SBNO1: variants seen among roughly 807,000 people sequenced by gnomAD.
SBNO1 encodes the protein protein strawberry notch homolog 1.
SBNO1 carries 23 observed loss-of-function variants against 173.6 expected under a neutral mutation model. The ratio of observed to expected loss-of-function variants is 0.13; its 90% CI spans 0.10 to 0.19. The LOEUF (loss-of-function observed/expected upper bound fraction) is 0.19, where lower values mean the gene tolerates loss of function less well. Ranked by LOEUF, SBNO1 falls within the 10% of genes least tolerant of loss-of-function variation. SBNO1 has a pLI of 1.00. For missense variants in SBNO1, 1,238 were observed against 1,671.2 expected, an observed-to-expected ratio of 0.74 and a Z score of 4.52; for synonymous variants, 632 against 571.5, an observed-to-expected ratio of 1.11 and a Z score of -1.51.
At position 123,348,074 on chromosome 12, in the gene SBNO1, T is replaced by C. The variant is rs777755274; in HGVS notation, c.192A>G (p.Lys64=). ...GLETEAAVPV[K]QEPETVPTPA... is the part of the protein sequence containing the mutation. ...GAGTAGGTACAGTCTCTGGTTCTTG[T>C]TTAACAGGAACTGCTGCTTCGGTCT... Residue 64 remains lysine (K), a synonymous_variant, in exon 3 of 32, where the codon AAA becomes AAG. Coordinates refer to ENST00000602398, the MANE Select transcript of SBNO1 (RefSeq NM_001167856.3). 1.4e-5 allele frequency: 23 copies of C among 1,612,070 alleles called. No individual in the cohort carries two copies. The highest frequency in any genetic ancestry group is 1.7e-5 in the Admixed American group (1 of 59,968).
In SBNO1 at chr12:123,327,736, G is replaced by C; in HGVS notation, c.1509C>G (p.Phe503Leu). ...IWGEGTPFRE[F>L]SDFIQAVERR... The stretch of plus-strand genomic sequence containing the variant: ...GTTCTACTGCTTGAATAAAATCACT[G>C]AATTCTCTAAATGGAGTACCCTCAC... Residue 503 changes from phenylalanine to leucine, a missense_variant, in exon 12 of 32, where the codon TTC (phenylalanine) becomes TTG (leucine). Coordinates refer to ENST00000602398, the MANE Select transcript of SBNO1 (RefSeq NM_001167856.3). 1 of 1,613,526 alleles carries C rather than the reference G, an allele frequency of 6.2e-7. No individual in the cohort carries two copies. The highest frequency in any genetic ancestry group is 8.5e-7 in the Non-Finnish European group (1 of 1,179,754).
In SBNO1 at chr12:123,328,902, A is replaced by C. The variant is rs1209193261; in HGVS notation, c.1135-7T>G. 6.2e-6 allele frequency: 9 copies of C among 1,460,986 alleles called. No individual in the cohort carries two copies. Among genetic ancestry groups the C allele is most frequent in the Non-Finnish European group, 8.4e-6 (9 of 1,065,818 alleles). 90.5% of individuals were successfully genotyped at this position (1,460,986 alleles called of 1,614,324 possible). ...AAATTTTTCCGTATTTAAACTAAAAAAGAAAAGAAAAGAATTTAGTTAATT... is the reference window on the plus strand; with the variant it reads ...AAATTTTTCCGTATTTAAACTAAAACAGAAAAGAAAAGAATTTAGTTAATT... On this transcript the variant is annotated splice_polypyrimidine_tract_variant and splice_region_variant and intron_variant, in intron 9 of 31. Transcript: ENST00000602398.
chr12:123,327,000 G>GT (rs1870685161), intron 13 of SBNO1, among the ~76,000 whole-genome samples: 1 of 151,948 alleles, frequency 6.6e-6, no homozygotes, highest in Non-Finnish European at 1.5e-5. Flanking sequence ...GTTTGTTTTT[G>GT]TTTTTTGTTT....
At chr12:123,358,539 G>C (rs1874720413) in intron 1 of SBNO1, among the ~76,000 whole-genome samples, 1 of 151,742 alleles carries the variant, frequency 6.6e-6, no homozygotes, top group Admixed American at 6.6e-5. Context: ...GGATCATGAG[G>C]TCAGGAGATA....
At chr12:123,345,642 G>A in intron 3 of SBNO1, 72 bp from the exon 4 acceptor site, 2 of 1,284,106 alleles carry the variant, frequency 1.6e-6, no homozygotes, top group Admixed American at 2.4e-5. Flanking sequence ...CCACAAACCT[G>A]GAAGGACAAC....
chr12:123,364,264 A>G (rs867891835), intron 1 of SBNO1: 19 of 985,456 alleles, frequency 1.9e-5, no homozygotes, highest in Admixed American at 6.1e-5. Context: ...CTGGGGCACG[A>G]AAGAGGACTT....
chr12:123,346,881 T>C (rs1284662628), intron 3 of SBNO1, among the ~76,000 whole-genome samples: 1 of 151,542 alleles, frequency 6.6e-6, no homozygotes. Context: ...AGCTCAAGAC[T>C]AGCATGGCCA....
At chr12:123,344,387 A>G (rs1241510981) in intron 4 of SBNO1, among the ~76,000 whole-genome samples, 1 of 152,198 alleles carries the variant, frequency 6.6e-6, no homozygotes, top group Non-Finnish European at 1.5e-5. Flanking sequence ...CGAAAACCAA[A>G]AGACAAAAAA....
chr12:123,362,143 A>T (rs568847157), intron 1 of SBNO1, among the ~76,000 whole-genome samples: 1 of 139,354 alleles, frequency 7.2e-6, no homozygotes, highest in African/African-American at 2.7e-5. Flanking sequence ...CCACCTCAAA[A>T]AAAAAAGATT....
intron 3 of SBNO1, among the ~76,000 whole-genome samples, chr12:123,347,165 G>C (rs1423560955): frequency 1.3e-5 from 2 of 151,700 alleles, no homozygotes; most frequent in East Asian, 3.9e-4. Context: ...GCAAAAAGCA[G>C]AACTAGAGAG....
intron 31 of SBNO1, 38 bp downstream of exon 31, chr12:123,297,940 T>C: frequency 1.3e-6 from 2 of 1,597,378 alleles, no homozygotes; most frequent in Non-Finnish European, 1.7e-6. Flanking sequence ...GATCCGATTT[T>C]TTCCTGCAAC....
intron 31 of SBNO1, among the ~76,000 whole-genome samples, chr12:123,296,416 C>A (rs921842410): frequency 1.3e-5 from 2 of 152,082 alleles, no homozygotes; most frequent in Admixed American, 6.5e-5. Flanking sequence ...AAATGCTAAC[C>A]GAAACAGGTT....
intron 7 of SBNO1, among the ~76,000 whole-genome samples, chr12:123,333,798 G>A (rs1593380625): frequency 2.0e-5 from 3 of 151,944 alleles, no homozygotes; most frequent in South Asian, 2.1e-4. Flanking sequence ...GTGCCTGGTC[G>A]ATATACATAT....
chr12:123,324,565 A>ACCAGACTCAGCCTC (rs1201876020), intron 15 of SBNO1, among the ~76,000 whole-genome samples: 1 of 151,700 alleles, frequency 6.6e-6, no homozygotes, highest in African/African-American at 2.4e-5. Context: ...CTCGTGATCC[A>ACCAGACTCAGCCTC]CCAGACTCAG....
chr12:123,311,423 G>A (rs1868485768), intron 24 of SBNO1, among the ~76,000 whole-genome samples: 1 of 152,016 alleles, frequency 6.6e-6, no homozygotes, highest in Non-Finnish European at 1.5e-5. Flanking sequence ...CACCCAGGCT[G>A]GAGCGCAGTG....
intron 14 of SBNO1, 111 bp from the exon 15 acceptor site, chr12:123,325,710 T>G: frequency 1.3e-6 from 1 of 766,102 alleles, no homozygotes; most frequent in South Asian, 1.6e-5. Context: ...AATGTCCTCA[T>G]TATTATAAAA....
At chr12:123,316,259 T>C (rs1165839673) in intron 21 of SBNO1, among the ~76,000 whole-genome samples, 1 of 152,204 alleles carries the variant, frequency 6.6e-6, no homozygotes, top group Non-Finnish European at 1.5e-5. Flanking sequence ...AGTTTCGCTC[T>C]TGTTGCCAAA....
intron 24 of SBNO1, among the ~76,000 whole-genome samples, chr12:123,311,906 T>G (rs1216618179): frequency 1.3e-5 from 2 of 149,536 alleles, no homozygotes; most frequent in Non-Finnish European, 3.0e-5. Flanking sequence ...TGGCTAATTT[T>G]TTTTTGTAAT....
chr12:123,313,813 G>A, intron 23 of SBNO1, 94 bp from the exon 24 acceptor site: 1 of 707,604 alleles, frequency 1.4e-6, no homozygotes, highest in South Asian at 1.8e-5. Context: ...TACTGGCTGG[G>A]TGCGGTGGCT....
Sources: allele counts gnomAD v4.1 joint callset (sites outside exome capture counted in the v4.1 genomes callset), GRCh38; gene constraint gnomAD v4.1.1; transcripts MANE v1.5; gene names NCBI Gene and HGNC (gene_info 2026-07-23, HGNC 2026-07-21).